The following FAHD2A variants were observed in gnomAD, a reference collection of about 807,000 sequenced individuals.
FAHD2A encodes oxaloacetate tautomerase FAHD2A, mitochondrial.
FAHD2A carries 27 observed loss-of-function variants against 33.4 expected under a neutral mutation model. That is an observed-to-expected ratio of 0.81 (90% CI 0.60 to 1.11). The LOEUF (loss-of-function observed/expected upper bound fraction) is 1.11. Ranked by LOEUF, FAHD2A falls within the 50% of genes most tolerant of loss-of-function variation. The pLI is 0.00. For missense variants in FAHD2A, 296 were observed against 395.0 expected (o/e 0.75, Z 2.12); for synonymous variants, 130 against 153.3 (o/e 0.85, Z 1.12).
At position 95,414,529 on chromosome 2, in the gene FAHD2A, T is replaced by C; in HGVS notation, c.*1572T>C. Reference sequence around the variant, plus strand: ...TTCTCCCGTCCCCTGTGTGCCCCCATCCTGGTCCTGCCTCACTGGACAGCC... The same window carrying C: ...TTCTCCCGTCCCCTGTGTGCCCCCACCCTGGTCCTGCCTCACTGGACAGCC... On this transcript the variant is annotated 3_prime_UTR_variant, in exon 8 of 8. Coordinates refer to ENST00000233379, the MANE Select transcript of FAHD2A (RefSeq NM_016044.3). 2.9e-6 allele frequency: 1 copy of C among 345,206 alleles called. No individual in the cohort carries two copies. Among genetic ancestry groups the C allele is most frequent in the South Asian group, 2.8e-5 (1 of 36,242 alleles). The allele number at this position is 345,206 out of a possible 1,614,324, so 21.4% of individuals were successfully genotyped here. A position where few individuals can be genotyped will look rare whatever the true frequency, so the allele number is the denominator to read the frequency against.
At chr2:95,406,491 A>G (rs1208230114) in intron 2 of FAHD2A, among the ~76,000 whole-genome samples, 3 of 151,830 alleles carry the variant, frequency 2.0e-5, no homozygotes. Context: ...TGCAGCCACA[A>G]GAAATAAAGA....
downstream of FAHD2A, chr2:95,416,649 A>G (rs1022282780): frequency 2.6e-5 from 4 of 152,266 alleles, no homozygotes; most frequent in East Asian, 3.8e-4. Context: ...GTAAACTGCT[A>G]TGACAATACA....
chr2:95,408,656 A>G (rs1194527548), intron 3 of FAHD2A, among the ~76,000 whole-genome samples: 1 of 152,204 alleles, frequency 6.6e-6, no homozygotes, highest in African/African-American at 2.4e-5. Context: ...AGCACGGGAA[A>G]GACCTGCCCC....
chr2:95,408,927 C>T (rs1682049632), intron 3 of FAHD2A, among the ~76,000 whole-genome samples: 1 of 152,232 alleles, frequency 6.6e-6, no homozygotes, highest in African/African-American at 2.4e-5. Context: ...AGTTTGCCAA[C>T]TCCTGCTCTC....
In FAHD2A at chr2:95,407,027, T is replaced by G. The variant is rs1681694409; in HGVS notation, c.332T>G (p.Val111Gly). 6.2e-7 allele frequency: 1 copy of G among 1,613,776 alleles called. No individual in the cohort carries two copies. Among genetic ancestry groups the G allele is most frequent in the Non-Finnish European group, 8.5e-7 (1 of 1,179,854 alleles). Reference protein sequence around the residue: ...PVTRPDKVVCVGMNYVDHCKE... With the variant: ...PVTRPDKVVCGGMNYVDHCKE... ...ACACGACCAGATAAGGTGGTGTGTG[T>G]GGGCATGAATTATGTGGACCACTGC... The change falls in exon 3 of 8, where the codon GTG (valine) becomes GGG (glycine). Residue 111 changes from valine to glycine, a missense_variant. Transcript: ENST00000233379.
At chr2:95,419,557 G>C (rs1005192142), downstream of FAHD2A, among the ~76,000 whole-genome samples, 2 of 152,040 alleles carry the variant, frequency 1.3e-5, no homozygotes, top group Non-Finnish European at 2.9e-5. Flanking sequence ...AAGGATTGAA[G>C]TGCTGACATT....
Position 95,407,200 on chromosome 2 carries a change from A to G in FAHD2A, c.462+43A>G, listed in dbSNP as rs750367343. The G allele has an allele frequency of 1.7e-5, 27 of 1,610,334 alleles. No homozygotes were observed. The Admixed American group carries it at 4.0e-4, about 24-fold the overall frequency. ...GCCCTCCCTAGTCACTGGGCCCATCACAAGGGCATTCTGAGCTCAGTATTG... is the reference window on the plus strand; with the variant it reads ...GCCCTCCCTAGTCACTGGGCCCATCGCAAGGGCATTCTGAGCTCAGTATTG... On this transcript the variant is annotated intron_variant, in intron 3 of 7. Transcript: ENST00000233379.
In FAHD2A at chr2:95,411,051, T is replaced by C. The variant is rs554582796; in HGVS notation, c.685+25T>C. The C allele has an allele frequency of 1.9e-6, 3 of 1,613,046 alleles. No individual in the cohort carries two copies. In the South Asian group the frequency reaches 3.3e-5, roughly 18 times the overall value. On this transcript the variant is annotated intron_variant, in intron 5 of 7. Coordinates refer to ENST00000233379, the MANE Select transcript of FAHD2A (RefSeq NM_016044.3). ...GGTAGGTCCCTGGTCCCTGCCCCCT[T>C]ATACCTACCATTGCACAGATGAACA...
chr2:95,404,114 C>T (rs1573541533), intron 1 of FAHD2A, among the ~76,000 whole-genome samples: 1 of 152,172 alleles, frequency 6.6e-6, no homozygotes. Context: ...TCAGCTGCCT[C>T]CACATTTTTG....
chr2:95,404,544 C>G (rs1194554486), intron 1 of FAHD2A, among the ~76,000 whole-genome samples: 1 of 152,160 alleles, frequency 6.6e-6, no homozygotes, highest in African/African-American at 2.4e-5. Context: ...ATCCACCCAC[C>G]TCGGCCTCCC....
chr2:95,408,688 C>T (rs1022565098), intron 3 of FAHD2A, among the ~76,000 whole-genome samples: 20 of 152,316 alleles, frequency 1.3e-4, no homozygotes, highest in Admixed American at 1.1e-3. Context: ...CATCTCCCAC[C>T]GGGTCCGTCC....
downstream of FAHD2A, among the ~76,000 whole-genome samples, chr2:95,417,593 A>G (rs1386108589): frequency 6.6e-6 from 1 of 152,172 alleles, no homozygotes; most frequent in African/African-American, 2.4e-5. Flanking sequence ...AAGTCAGTTC[A>G]GGCTTCTATA....
intron 3 of FAHD2A, 159 bp downstream of exon 3, chr2:95,407,316 A>T (rs1411883619): frequency 9.2e-7 from 1 of 1,091,320 alleles, no homozygotes; most frequent in African/African-American, 1.6e-5. Flanking sequence ...CTTGGAAAAA[A>T]AAAGTTAATG....
At chr2:95,419,443 A>C (rs1683283924), downstream of FAHD2A, among the ~76,000 whole-genome samples, 1 of 152,070 alleles carries the variant, frequency 6.6e-6, no homozygotes, top group Admixed American at 6.5e-5. Context: ...AAAAGATTAA[A>C]AGGAGAACTC....
intron 3 of FAHD2A, among the ~76,000 whole-genome samples, chr2:95,409,598 C>T (rs1488778420): frequency 6.6e-6 from 1 of 152,206 alleles, no homozygotes; most frequent in Non-Finnish European, 1.5e-5. Context: ...CGTGACCCAC[C>T]ACTCCCAGAC....
intron 3 of FAHD2A, among the ~76,000 whole-genome samples, chr2:95,409,647 T>G (rs928559577): frequency 6.6e-6 from 1 of 152,240 alleles, no homozygotes; most frequent in African/African-American, 2.4e-5. Context: ...CTGTTTTTAT[T>G]GGCTGGCATT....
intron 5 of FAHD2A, among the ~76,000 whole-genome samples, chr2:95,411,451 C>G (rs1053151691): frequency 3.3e-5 from 5 of 152,254 alleles, no homozygotes; most frequent in African/African-American, 1.2e-4. Context: ...CACACACAGT[C>G]AGGATACAGC....
intron 5 of FAHD2A, 125 bp from the exon 6 acceptor site, chr2:95,412,309 A>G (rs548043854): frequency 4.9e-5 from 54 of 1,100,228 alleles, no homozygotes; most frequent in Admixed American, 3.0e-4. Context: ...CACTGAGTCA[A>G]TGTGGGCACT....
rs1453574331 is a variant in FAHD2A, at chr2:95,415,063, C to T, written c.*2106C>T. ...TTCCTTGGTCATTCTGTCCATCCTCCTGTCTGTCCAAAGCCAAGGACACTG... is the reference window on the plus strand; with the variant it reads ...TTCCTTGGTCATTCTGTCCATCCTCTTGTCTGTCCAAAGCCAAGGACACTG... On this transcript the variant is annotated 3_prime_UTR_variant, in exon 8 of 8. Transcript: ENST00000233379. The T allele has an allele frequency of 6.6e-6, 1 of 152,172 alleles. No homozygotes were observed. The highest frequency in any genetic ancestry group is 2.1e-4 in the South Asian group (1 of 4,828). 9.4% of individuals were successfully genotyped at this position (152,172 alleles called of 1,614,324 possible).
Sources: gnomAD v4.1 joint callset for allele counts (sites outside exome capture counted in the v4.1 genomes callset) on GRCh38, gnomAD v4.1.1 for gene constraint, MANE v1.5 for transcripts, NCBI Gene and HGNC (gene_info 2026-07-23, HGNC 2026-07-21) for gene names.